The following CAMK1D variants were observed in gnomAD, a reference collection of about 807,000 sequenced individuals.
CAMK1D encodes the protein calcium/calmodulin dependent protein kinase ID, also known as calcium/calmodulin-dependent protein kinase type 1D.
Under a neutral mutation model 47.7 loss-of-function variants are expected in CAMK1D, and 9 were observed. The ratio of observed to expected loss-of-function variants is 0.19; its 90% CI spans 0.11 to 0.33. The LOEUF (loss-of-function observed/expected upper bound fraction) is 0.33. Among genes scored for constraint, CAMK1D ranks in the 10% least tolerant of loss-of-function variants. The pLI, the probability that CAMK1D is intolerant of heterozygous loss-of-function variation, is 1.00. For synonymous variants in CAMK1D, 184 were observed against 184.9 expected (o/e 0.99, Z 0.04); for missense variants, 291 against 488.7 (o/e 0.60, Z 3.81).
chr10:12,360,578 C>G (rs148415252), intron 1 of CAMK1D, among the ~76,000 whole-genome samples: 2 of 152,130 alleles, frequency 1.3e-5, no homozygotes, highest in African/African-American at 2.4e-5. Context: ...TGAGAGGCTG[C>G]CAGTCATTTA....
chr10:12,539,834 C>A (rs1836106993), intron 1 of CAMK1D, among the ~76,000 whole-genome samples: 1 of 152,170 alleles, frequency 6.6e-6, no homozygotes, highest in Non-Finnish European at 1.5e-5. Context: ...CATGCATGGC[C>A]CACATGGACA....
rs796303657 is a variant in CAMK1D, at chr10:12,623,479, C to T, written c.225-43257C>T. Among the ~76,000 whole-genome samples, 15 of 126,804 alleles carry T rather than the reference C, an allele frequency of 1.2e-4. 1 individual carries two copies. Among genetic ancestry groups the T allele is most frequent in the African/African-American group, 4.2e-4 (14 of 33,674 alleles). The allele number at this position is 126,804 out of a possible 152,430, so 83.2% of individuals were successfully genotyped here. On this transcript the variant is annotated intron_variant, in intron 2 of 10. Transcript: ENST00000619168. ...TCCCTCCCTCTCTCCCTCCCTCCTT[C>T]CTCCCTTCCTTCTTTCCTTTCTCCC...
intron 1 of CAMK1D, among the ~76,000 whole-genome samples, chr10:12,497,344 G>A (rs1178222536): frequency 6.6e-6 from 1 of 152,044 alleles, no homozygotes; most frequent in Non-Finnish European, 1.5e-5. Flanking sequence ...TGGTGTGGTA[G>A]TGCGTGCCTG....
rs138104176 is a variant in CAMK1D at position 12,778,134 on chromosome 10, C to T, written c.565+8335C>T. Among the ~76,000 whole-genome samples the T allele has an allele frequency of 7.7e-3, 1,172 of 152,270 alleles. 5 individuals are homozygous for T. Among genetic ancestry groups the T allele is most frequent in the Admixed American group, 0.013 (198 of 15,296 alleles). ...GCTTGAGTTCAGACTTTTGATAGGTCGAAGTGTTGGTTTCAATTTGTGAAT... is the reference window on the plus strand; with the variant it reads ...GCTTGAGTTCAGACTTTTGATAGGTTGAAGTGTTGGTTTCAATTTGTGAAT... On this transcript the variant is annotated intron_variant, in intron 5 of 10. Coordinates refer to ENST00000619168, the MANE Select transcript of CAMK1D (RefSeq NM_153498.4).
chr10:12,574,295 T>A (rs145813570), intron 2 of CAMK1D, among the ~76,000 whole-genome samples: 1 of 151,732 alleles, frequency 6.6e-6, no homozygotes, highest in Non-Finnish European at 1.5e-5. Context: ...GGGATCTTTC[T>A]TTCTGTTTTG....
chr10:12,748,997 A>C (rs531800596), intron 3 of CAMK1D, among the ~76,000 whole-genome samples: 1 of 152,326 alleles, frequency 6.6e-6, no homozygotes, highest in African/African-American at 2.4e-5. Flanking sequence ...GATTGTAACT[A>C]ATGAGTGTTT....
intron 5 of CAMK1D, among the ~76,000 whole-genome samples, chr10:12,789,591 C>G (rs1327774888): frequency 6.6e-6 from 1 of 152,188 alleles, no homozygotes; most frequent in African/African-American, 2.4e-5. Flanking sequence ...TCATGGCAGA[C>G]AATATAAATG....
chr10:12,596,465 A>C (rs977652226), intron 2 of CAMK1D, among the ~76,000 whole-genome samples: 6 of 152,176 alleles, frequency 3.9e-5, no homozygotes, highest in Admixed American at 3.9e-4. Flanking sequence ...TACAGTTTAC[A>C]TTGGGCTTCA....
intron 2 of CAMK1D, among the ~76,000 whole-genome samples, chr10:12,650,581 A>G (rs944640703): frequency 6.6e-6 from 1 of 152,096 alleles, no homozygotes; most frequent in Admixed American, 6.5e-5. Flanking sequence ...ACGTGCCGCA[A>G]TGCCGTTCCA....
chr10:12,584,340 G>A (rs1463354091), intron 2 of CAMK1D, among the ~76,000 whole-genome samples: 1 of 152,238 alleles, frequency 6.6e-6, no homozygotes, highest in East Asian at 1.9e-4. Flanking sequence ...GGCCATAAAT[G>A]TGTGATGACT....
At chr10:12,384,386 C>T (rs1838429919) in intron 1 of CAMK1D, among the ~76,000 whole-genome samples, 1 of 151,974 alleles carries the variant, frequency 6.6e-6, no homozygotes, top group African/African-American at 2.4e-5. Context: ...TGCAGGGAAC[C>T]CAAAATAGCC....
chr10:12,638,479 A>G (rs1839574480), intron 2 of CAMK1D, among the ~76,000 whole-genome samples: 1 of 151,756 alleles, frequency 6.6e-6, no homozygotes, highest in African/African-American at 2.4e-5. Flanking sequence ...CTGCATGGAG[A>G]ACTCCGTTCC....
chr10:12,769,226 C>G lies in CAMK1D; in HGVS notation c.439-447C>G, dbSNP rs113940626. ...GTGCAGTGCAGCACATCTCCCAGAACTGCAGGGCAGCAGGGCGTGTTGCTG... is the reference window on the plus strand; with the variant it reads ...GTGCAGTGCAGCACATCTCCCAGAAGTGCAGGGCAGCAGGGCGTGTTGCTG... On this transcript the variant is annotated intron_variant, in intron 4 of 10. Transcript: ENST00000619168. 2.4e-3 allele frequency among the ~76,000 whole-genome samples: 358 copies of G among 152,336 alleles called. 4 individuals are homozygous for G. The highest frequency in any genetic ancestry group is 8.1e-3 in the African/African-American group (335 of 41,564).
At chr10:12,484,574 G>A (rs1834156560) in intron 1 of CAMK1D, among the ~76,000 whole-genome samples, 1 of 152,206 alleles carries the variant, frequency 6.6e-6, no homozygotes, top group African/African-American at 2.4e-5. Flanking sequence ...GAGCTTACTT[G>A]TTCTTCCAAG....
intron 7 of CAMK1D, 25 bp downstream of exon 7, chr10:12,814,332 A>C (rs763448744): frequency 6.8e-7 from 1 of 1,478,964 alleles, no homozygotes; most frequent in Non-Finnish European, 9.5e-7. Context: ...GGCAGCTCCC[A>C]GTGGGCGGCC....
At chr10:12,478,943 C>T (rs1833981810) in intron 1 of CAMK1D, among the ~76,000 whole-genome samples, 1 of 152,226 alleles carries the variant, frequency 6.6e-6, no homozygotes, top group Non-Finnish European at 1.5e-5. Context: ...GGGCCCTCTA[C>T]CAAGTGTTTG....
At chr10:12,678,448 A>G (rs370867446) in intron 3 of CAMK1D, among the ~76,000 whole-genome samples, 2 of 152,192 alleles carry the variant, frequency 1.3e-5, no homozygotes, top group Non-Finnish European at 2.9e-5. Context: ...CTTGAGAACA[A>G]TGTGTATTTT....
intron 3 of CAMK1D, among the ~76,000 whole-genome samples, chr10:12,751,796 G>A (rs1201078339): frequency 6.6e-6 from 1 of 152,176 alleles, no homozygotes; most frequent in Non-Finnish European, 1.5e-5. Flanking sequence ...ACGCAGCAGG[G>A]AAGCCATGTG....
chr10:12,471,255 A>G (rs913910167), intron 1 of CAMK1D, among the ~76,000 whole-genome samples: 1 of 152,208 alleles, frequency 6.6e-6, no homozygotes, highest in Non-Finnish European at 1.5e-5. Context: ...GCTCTGGATC[A>G]GCCCCTGGTC....
Sources: allele counts gnomAD v4.1 joint callset (sites outside exome capture counted in the v4.1 genomes callset), GRCh38; gene constraint gnomAD v4.1.1; transcripts MANE v1.5; gene names NCBI Gene and HGNC (gene_info 2026-07-23, HGNC 2026-07-21).